The following TMEM192 variants were observed in gnomAD, a reference collection of about 807,000 sequenced individuals.
TMEM192 encodes transmembrane protein 192.
A neutral mutation model predicts 26.7 loss-of-function variants in TMEM192; 20 were observed. The ratio of observed to expected loss-of-function variants is 0.75; its 90% CI spans 0.53 to 1.09. TMEM192 has a LOEUF of 1.09. Among genes scored for constraint, TMEM192 ranks in the 50% least tolerant of loss-of-function variants. The pLI, the probability that TMEM192 is intolerant of heterozygous loss-of-function variation, is 0.00. For missense variants in TMEM192, 304 were observed against 322.6 expected (o/e 0.94, Z 0.44); for synonymous variants, 124 against 121.0 (o/e 1.02, Z -0.16).
chr4:165,100,073 C>T (rs1327471169), intron 3 of TMEM192, among the ~76,000 whole-genome samples: 1 of 152,080 alleles, frequency 6.6e-6, no homozygotes, highest in Non-Finnish European at 1.5e-5. Context: ...TATAATTCCA[C>T]ACTTCACACA....
Position 165,079,669 on chromosome 4 carries a change from T to C in TMEM192, c.805A>G (p.Ser269Gly), listed in dbSNP as rs201065650. ...TGACCGTGAGCCTCTCACGTTCTAC[T>C]TGGCTGACAGCCCAGGTCTGAGGAA... The part of the protein sequence containing the change: ...LTSSDLGCQP[S>G]RT Residue 269 changes from serine (S) to glycine (G), a missense_variant, in exon 6 of 6, where the codon AGT becomes GGT. Physicochemically the swap from Ser to Gly is moderately conservative, Grantham distance 56. Transcript: ENST00000306480. 3.6e-5 allele frequency: 58 copies of C among 1,611,296 alleles called. No individual in the cohort carries two copies. In the Admixed American group the frequency reaches 7.6e-4, roughly 21 times the overall value.
At chr4:165,103,977 T>G (rs1033884459) in intron 1 of TMEM192, among the ~76,000 whole-genome samples, 7 of 152,080 alleles carry the variant, frequency 4.6e-5, no homozygotes, top group Non-Finnish European at 8.8e-5. Flanking sequence ...CCCAGGCTAG[T>G]CTTGAACTCT....
At chr4:165,084,102 T>C (rs1323573778) in intron 5 of TMEM192, among the ~76,000 whole-genome samples, 3 of 152,088 alleles carry the variant, frequency 2.0e-5, no homozygotes, top group Admixed American at 6.6e-5. Context: ...ATTACAGGCA[T>C]GAGCCACCGC....
chr4:165,100,966 ACATT>A (rs1735026460), intron 2 of TMEM192, 74 bp from the exon 3 acceptor site: 1 of 1,250,358 alleles, frequency 8.0e-7, no homozygotes. Context: ...ATCCCAGCAT[ACATT>A]CTTTTTTTTT....
intron 3 of TMEM192, 143 bp downstream of exon 3, chr4:165,100,485 T>C (rs1384667174): frequency 1.0e-6 from 1 of 990,476 alleles, no homozygotes; most frequent in Non-Finnish European, 1.4e-6. Flanking sequence ...ATTAAGGTGA[T>C]CCAAATTTTA....
In TMEM192 at chr4:165,075,264, G is replaced by C. The variant is rs1374416022; in HGVS notation, c.*4394C>G. 2.1e-5 allele frequency: 3 copies of C among 140,082 alleles called. No homozygotes were observed. The highest frequency in any genetic ancestry group is 4.6e-5 in the Non-Finnish European group (3 of 64,962). The allele number at this position is 140,082 out of a possible 1,614,324, so 8.7% of individuals were successfully genotyped here. The stretch of plus-strand genomic sequence containing the variant: ...TTCTTTCTTTTTTTTTTTTTGTGAT[G>C]GAGTCTCGCTCTGCTCTGTCGCCAG... On this transcript the variant is annotated 3_prime_UTR_variant, in exon 6 of 6. Coordinates refer to ENST00000306480, the MANE Select transcript of TMEM192 (RefSeq NM_001100389.2).
chr4:165,089,898 C>A lies in TMEM192; in HGVS notation c.440-1296G>T, dbSNP rs62352204. Among the ~76,000 whole-genome samples the A allele has an allele frequency of 4.9e-3, 742 of 152,058 alleles. 5 individuals carry two copies. The highest frequency in any genetic ancestry group is 7.8e-3 in the Non-Finnish European group (533 of 67,978). On this transcript the variant is annotated intron_variant, in intron 3 of 5. Transcript: ENST00000306480. ...TGGTTTTTGTATAGAGTTCCTAAAA[C>A]CCTTGGAATTTCCTGATAGAAGTGT...
intron 5 of TMEM192, among the ~76,000 whole-genome samples, chr4:165,081,235 CTTT>C (rs35079183): frequency 1.7e-4 from 25 of 145,072 alleles, no homozygotes; most frequent in African/African-American, 6.3e-4. Flanking sequence ...ACCTCCCACT[CTTT>C]TTTTTTTTTT....
intron 1 of TMEM192, among the ~76,000 whole-genome samples, chr4:165,108,232 C>T (rs1560937202): frequency 6.8e-6 from 1 of 147,538 alleles, no homozygotes; most frequent in African/African-American, 2.5e-5. Context: ...ACACCATTCT[C>T]CTGCCTCAGC....
chr4:165,102,939 A>G lies in TMEM192; in HGVS notation c.174+11T>C, dbSNP rs764587407. On this transcript the variant is annotated intron_variant, in intron 2 of 5. Transcript: ENST00000306480. ...ACCTCTGGATAGGTCCCCTTCTTGC[A>G]GCCAACTTACATGAATAAACCACAG... is the stretch of plus-strand genomic sequence containing the variant. The G allele has an allele frequency of 3.1e-6, 5 of 1,607,158 alleles. No individual in the cohort carries two copies. The highest frequency in any genetic ancestry group is 1.7e-4 in the Middle Eastern group (1 of 6,036).
rs11721798 is a variant in TMEM192 at position 165,110,079 on chromosome 4, T to C, written c.27+2668A>G. On this transcript the variant is annotated intron_variant, in intron 1 of 5. Coordinates refer to ENST00000306480, the MANE Select transcript of TMEM192 (RefSeq NM_001100389.2). ...GGAGTATTTACTTTCCATTGAATCC[T>C]ATAGGAAATATGCAGTGTAACCATA... 5.5e-3 allele frequency among the ~76,000 whole-genome samples: 839 copies of C among 152,334 alleles called. 6 individuals are homozygous for C. The highest frequency in any genetic ancestry group is 6.4e-3 in the Non-Finnish European group (434 of 68,024).
At position 165,112,834 on chromosome 4, in the gene TMEM192, C is replaced by T; in HGVS notation, c.-61G>A. ...GGCCTCTCCACCTGGACCTGTAAGC[C>T]TCTGGCCGCGAAACTCGCCACCTTC... On this transcript the variant is annotated 5_prime_UTR_variant, in exon 1 of 6. Coordinates refer to ENST00000306480, the MANE Select transcript of TMEM192 (RefSeq NM_001100389.2). 6.3e-7 allele frequency: 1 copy of T among 1,579,644 alleles called. No individual in the cohort carries two copies. The highest frequency in any genetic ancestry group is 8.6e-7 in the Non-Finnish European group (1 of 1,168,234).
chr4:165,085,697 A>G lies in TMEM192; in HGVS notation c.575-9T>C. 5 of 1,560,546 alleles carry G rather than the reference A, an allele frequency of 3.2e-6. No homozygotes were observed. In the East Asian group the frequency reaches 1.1e-4, roughly 35 times the overall value. On this transcript the variant is annotated splice_polypyrimidine_tract_variant and intron_variant, in intron 4 of 5. Transcript: ENST00000306480. ...AAATCTCCGGATTTTCACTAAAATA[A>G]TAAAGTCATTATTAGATCGAATTCT... is the stretch of plus-strand genomic sequence containing the variant.
chr4:165,099,381 C>T (rs965146349), intron 3 of TMEM192, among the ~76,000 whole-genome samples: 4 of 151,992 alleles, frequency 2.6e-5, no homozygotes, highest in Non-Finnish European at 5.9e-5. Context: ...CTACTGTGCC[C>T]GGCCATTTAC....
intron 1 of TMEM192, among the ~76,000 whole-genome samples, chr4:165,107,321 CTTTT>C (rs113293161): frequency 6.8e-6 from 1 of 147,112 alleles, no homozygotes; most frequent in Non-Finnish European, 1.5e-5. Context: ...TGTACCCAAC[CTTTT>C]TTTTTAAAAC....
chr4:165,080,968 G>A (rs1050388218), intron 5 of TMEM192, among the ~76,000 whole-genome samples: 2 of 152,148 alleles, frequency 1.3e-5, no homozygotes, highest in Non-Finnish European at 2.9e-5. Context: ...GCCCGCCTCA[G>A]CTTCCCAAAG....
chr4:165,100,830 C>T lies in TMEM192; in HGVS notation c.237G>A (p.Glu79=). ...TTGTGTAATTTCCTGGGCACTTGTC[C>T]TCATTTGGATTAGGATAAGAACAAA... is the stretch of plus-strand genomic sequence containing the variant. The part of the protein sequence containing the change: ...GVLCSYPNPN[E]DKCPGNYTNP... The change falls in exon 3 of 6, where the codon GAG becomes GAA. Residue 79 remains glutamate (E), a synonymous_variant. Coordinates refer to ENST00000306480, the MANE Select transcript of TMEM192 (RefSeq NM_001100389.2). The T allele has an allele frequency of 1.2e-6, 2 of 1,614,052 alleles. No homozygotes were observed. The highest frequency in any genetic ancestry group is 2.2e-5 in the East Asian group (1 of 44,878).
rs10027850 is a variant in TMEM192, at chr4:165,073,954, A to G, written c.*5704T>C. 127,042 of 151,934 alleles carry G rather than the reference A, an allele frequency of 0.84. 54,349 individuals carry two copies. Among genetic ancestry groups the G allele is most frequent in the East Asian group, 0.95 (4,875 of 5,148 alleles). 9.4% of individuals were successfully genotyped at this position (151,934 alleles called of 1,614,324 possible). A position where few individuals can be genotyped will look rare whatever the true frequency, so the allele number is the denominator to read the frequency against. On this transcript the variant is annotated 3_prime_UTR_variant, in exon 6 of 6. Coordinates refer to ENST00000306480, the MANE Select transcript of TMEM192 (RefSeq NM_001100389.2). ...AAAATAATGATCAATAAATACTAACAGAACTCAAGAGACCGGCGCCGGTGC... is the reference window on the plus strand; with the variant it reads ...AAAATAATGATCAATAAATACTAACGGAACTCAAGAGACCGGCGCCGGTGC...
intron 3 of TMEM192, among the ~76,000 whole-genome samples, chr4:165,088,893 T>C (rs1372172238): frequency 1.3e-5 from 2 of 151,328 alleles, no homozygotes; most frequent in East Asian, 3.9e-4. Flanking sequence ...TATAAAAAAT[T>C]AGCCAGGCAT....
Sources: allele counts gnomAD v4.1 joint callset (sites outside exome capture counted in the v4.1 genomes callset), GRCh38; gene constraint gnomAD v4.1.1; transcripts MANE v1.5; gene names NCBI Gene and HGNC (gene_info 2026-07-23, HGNC 2026-07-21).